Variants in KLHL42 observed in about 807,000 individuals in gnomAD.
KLHL42 encodes the protein kelch-like protein 42.
A neutral mutation model predicts 32.7 loss-of-function variants in KLHL42; 27 were observed. The observed-to-expected ratio is 0.83, with a 90% CI of 0.61 to 1.14. The LOEUF (loss-of-function observed/expected upper bound fraction) is 1.14. KLHL42 is among the 50% of genes most tolerant of loss of function. The pLI, the probability that KLHL42 is intolerant of heterozygous loss-of-function variation, is 0.00. For missense variants in KLHL42, 491 were observed against 560.8 expected (o/e 0.88, Z 1.26); for synonymous variants, 267 against 248.2 (o/e 1.08, Z -0.71).
In KLHL42 at chr12:27,800,148, G is replaced by A. The variant is rs2062237926; in HGVS notation, c.*1982G>A. ...AGATGAGTCAGTTGAATTAGTACTG[G>A]ACAAACAGTTGGAGATTAGTTTGCA... On this transcript the variant is annotated 3_prime_UTR_variant, in exon 3 of 3. Transcript: ENST00000381271. The A allele has an allele frequency of 2.0e-6, 2 of 985,124 alleles. No homozygotes were observed. The highest frequency in any genetic ancestry group is 1.2e-6 in the Non-Finnish European group (1 of 829,842). 61.0% of individuals were successfully genotyped at this position (985,124 alleles called of 1,614,324 possible).
chr12:27,797,303 A>G (rs751229864), intron 2 of KLHL42: 10 of 458,658 alleles, frequency 2.2e-5, no homozygotes, highest in South Asian at 1.5e-4. Context: ...TCAGCTATCA[A>G]GAATAATCTA....
rs2062227193 is a variant in KLHL42, at chr12:27,797,966, C to A, written c.1318C>A (p.Leu440Ile). Residue 440 changes from leucine (L) to isoleucine (I), a missense_variant, in exon 3 of 3, where the codon CTT (leucine) becomes ATT (isoleucine). Leu to Ile is a conservative substitution (Grantham distance 5). Around this residue, in one of 4 missense-constraint regions of KLHL42, gnomAD observed 152 missense variants for 125.9 expected, o/e 1.21. Coordinates refer to ENST00000381271, the MANE Select transcript of KLHL42 (RefSeq NM_020782.2). ...YLKENTSKSG[L>I]NLTCALHNDG... ...CAAGGAGAACACGTCCAAATCGGGT[C>A]TTAACTTGACTTGTGCGCTCCATAA... The A allele has an allele frequency of 1.3e-6, 1 of 781,038 alleles. No homozygotes were observed. The highest frequency in any genetic ancestry group is 2.4e-6 in the Non-Finnish European group (1 of 418,124). 48.4% of individuals were successfully genotyped at this position (781,038 alleles called of 1,614,324 possible).
In KLHL42 at chr12:27,801,957, C is replaced by A. The variant is rs528367802; in HGVS notation, c.*3791C>A. Reference sequence around the variant, plus strand: ...AGAGGTTCACTGTAATTGTCTTCACCAGGGCGTCCTTCTCAAAGATGCCCA... The same window carrying A: ...AGAGGTTCACTGTAATTGTCTTCACAAGGGCGTCCTTCTCAAAGATGCCCA... On this transcript the variant is annotated 3_prime_UTR_variant, in exon 3 of 3. Transcript: ENST00000381271. The A allele has an allele frequency of 6.6e-6, 1 of 151,886 alleles. No homozygotes were observed. The highest frequency in any genetic ancestry group is 2.1e-4 in the South Asian group (1 of 4,794). The allele number at this position is 151,886 out of a possible 1,614,324, so 9.4% of individuals were successfully genotyped here.
rs775482220 is a variant in KLHL42, at chr12:27,797,748, C to A, written c.1100C>A (p.Ser367Tyr). 6 of 718,024 alleles carry A rather than the reference C, an allele frequency of 8.4e-6. No homozygotes were observed. The East Asian group carries it at 1.5e-4, about 18-fold the overall frequency. The allele number at this position is 718,024 out of a possible 1,614,324, so 44.5% of individuals were successfully genotyped here. The change falls in exon 3 of 3, where the codon TCT (serine) becomes TAT (tyrosine). Residue 367 changes from serine (S) to tyrosine (Y), a missense_variant. Physicochemically the swap from Ser to Tyr is moderately radical, Grantham distance 144. Coordinates refer to ENST00000381271, the MANE Select transcript of KLHL42 (RefSeq NM_020782.2). ...ATGAACATTTTGCAGTACTGCCCCT[C>A]TTCCGACATGTGGACGCTCTTTGAA... ...RNMNILQYCPSSDMWTLFETC... is the reference protein window; with the variant it reads ...RNMNILQYCPYSDMWTLFETC...
At position 27,797,947 on chromosome 12, in the gene KLHL42, G is replaced by A; in HGVS notation, c.1299G>A (p.Glu433=). Residue 433 remains glutamate (E), a synonymous_variant, in exon 3 of 3, where the codon GAG becomes GAA. Transcript: ENST00000381271. ...CCCGCCAGTGGCTCTACCTCAAGGA[G>A]AACACGTCCAAATCGGGTCTTAACT... ...TVTRQWLYLK[E]NTSKSGLNLT... The A allele has an allele frequency of 1.3e-6, 1 of 781,004 alleles. No individual in the cohort carries two copies. The highest frequency in any genetic ancestry group is 2.4e-6 in the Non-Finnish European group (1 of 418,128). The allele number at this position is 781,004 out of a possible 1,614,324, so 48.4% of individuals were successfully genotyped here.
At position 27,780,947 on chromosome 12, in the gene KLHL42, C is replaced by T; in HGVS notation, c.617C>T (p.Pro206Leu). Residue 206 changes from proline to leucine, a missense_variant, in exon 1 of 3, where the codon CCC becomes CTC. This residue lies in a region of KLHL42 where 248 missense variants were observed against 329.2 expected (regional missense o/e 0.75). Transcript: ENST00000381271. The surrounding 1 kb of genome is among the most constrained non-coding windows in gnomAD (Gnocchi z 8.8). ...GCCCTCGGGGACTTCCTGGGGGGAC[C>T]CCTGGCCCCTCACCCCTACCAGGGG... ...LVALGDFLGG[P>L]LAPHPYQGEP... 3 of 1,602,086 alleles carry T rather than the reference C, an allele frequency of 1.9e-6. No individual in the cohort carries two copies. The highest frequency in any genetic ancestry group is 2.2e-5 in the East Asian group (1 of 44,580).
Position 27,800,482 on chromosome 12 carries a change from T to C in KLHL42, c.*2316T>C. 1 of 553,478 alleles carries C rather than the reference T, an allele frequency of 1.8e-6. No homozygotes were observed. The highest frequency in any genetic ancestry group is 2.3e-6 in the Non-Finnish European group (1 of 435,352). 34.3% of individuals were successfully genotyped at this position (553,478 alleles called of 1,614,324 possible). On this transcript the variant is annotated 3_prime_UTR_variant, in exon 3 of 3. Transcript: ENST00000381271. The stretch of plus-strand genomic sequence containing the variant: ...GTGGAATGTGCAATAGGAACAGATC[T>C]GTGCATTTTGTGACATCGTCCTTCC...
chr12:27,800,696 A>T lies in KLHL42; in HGVS notation c.*2530A>T. ...GCACTCCAGCCTGGGCGACAGTGCA[A>T]GACTCTGTCTCCAAAAAAAAAAAAA... On this transcript the variant is annotated 3_prime_UTR_variant, in exon 3 of 3. Coordinates refer to ENST00000381271, the MANE Select transcript of KLHL42 (RefSeq NM_020782.2). 1 of 152,846 alleles carries T rather than the reference A, an allele frequency of 6.5e-6. No individual in the cohort carries two copies. The highest frequency in any genetic ancestry group is 1.9e-4 in the East Asian group (1 of 5,248). The allele number at this position is 152,846 out of a possible 1,614,324, so 9.5% of individuals were successfully genotyped here. A position where few individuals can be genotyped will look rare whatever the true frequency, so the allele number is the denominator to read the frequency against.
chr12:27,782,271 G>T (rs1461470213), intron 1 of KLHL42, among the ~76,000 whole-genome samples: 1 of 152,036 alleles, frequency 6.6e-6, no homozygotes, highest in Non-Finnish European at 1.5e-5. Flanking sequence ...GATTATTTGG[G>T]GGAAATAACT....
chr12:27,782,567 T>C (rs1022247053), intron 1 of KLHL42, among the ~76,000 whole-genome samples: 2 of 152,120 alleles, frequency 1.3e-5, no homozygotes, highest in East Asian at 1.9e-4. Flanking sequence ...CAAAGGAACA[T>C]TGTGTGGCCA....
At position 27,781,165 on chromosome 12, in the gene KLHL42, AACG is replaced by A; in HGVS notation, c.837_839del (p.Asn279_Glu280delinsLys). On this transcript the variant is annotated inframe_deletion, in exon 1 of 3. Coordinates refer to ENST00000381271, the MANE Select transcript of KLHL42 (RefSeq NM_020782.2). ...TGCGCATTCCTACAACCCCAGCACC[AACG>A]AGTGGCTCCAGGTGGCCTCCATGAA... 6.2e-7 allele frequency: 1 copy of A among 1,614,012 alleles called. No homozygotes were observed. Among genetic ancestry groups the A allele is most frequent in the Non-Finnish European group, 8.5e-7 (1 of 1,180,032 alleles).
chr12:27,792,024 C>T (rs2062199586), intron 2 of KLHL42, 123 bp downstream of exon 2: 1 of 728,630 alleles, frequency 1.4e-6, no homozygotes, highest in South Asian at 1.8e-5. Context: ...TAATAGTGTA[C>T]ACTTACACAT....
rs773820049 is a variant in KLHL42 at position 27,781,044 on chromosome 12, C to A, written c.714C>A (p.Pro238=). The A allele has an allele frequency of 4.3e-6, 7 of 1,613,844 alleles. No individual in the cohort carries two copies. The highest frequency in any genetic ancestry group is 2.2e-5 in the South Asian group (2 of 91,032). The part of the protein sequence containing the change: ...RWFPLANNLP[P]DLVNVRGYGS... ...TCCCGCTGGCCAACAACCTTCCTCC[C>A]GACCTGGTCAATGTCAGGGGCTATG... The change falls in exon 1 of 3, where the codon CCC becomes CCA. Residue 238 remains proline, a synonymous_variant. Transcript: ENST00000381271.
rs2062243467 is a variant in KLHL42, at chr12:27,800,769, T to C, written c.*2603T>C. 6.6e-6 allele frequency: 1 copy of C among 152,218 alleles called. No individual in the cohort carries two copies. The highest frequency in any genetic ancestry group is 1.5e-5 in the Non-Finnish European group (1 of 68,078). The allele number at this position is 152,218 out of a possible 1,614,324, so 9.4% of individuals were successfully genotyped here. A position where few individuals can be genotyped will look rare whatever the true frequency, so the allele number is the denominator to read the frequency against. On this transcript the variant is annotated 3_prime_UTR_variant, in exon 3 of 3. Coordinates refer to ENST00000381271, the MANE Select transcript of KLHL42 (RefSeq NM_020782.2). ...TCCCCCAGGACTGTCCTTTACTCTT[T>C]GATAGTATCCCTCTATTTTCTTCCC...
Position 27,798,437 on chromosome 12 carries a change from C to A in KLHL42, c.*271C>A. Reference sequence around the variant, plus strand: ...TGATACTCTTGGGCCAATGACGGATCATCAAAATGTAGATTCATTGTGTCT... The same window carrying A: ...TGATACTCTTGGGCCAATGACGGATAATCAAAATGTAGATTCATTGTGTCT... On this transcript the variant is annotated 3_prime_UTR_variant, in exon 3 of 3. Coordinates refer to ENST00000381271, the MANE Select transcript of KLHL42 (RefSeq NM_020782.2). The A allele has an allele frequency of 5.2e-6, 2 of 384,046 alleles. No individual in the cohort carries two copies. The highest frequency in any genetic ancestry group is 5.2e-5 in the East Asian group (1 of 19,274). 23.8% of individuals were successfully genotyped at this position (384,046 alleles called of 1,614,324 possible).
intron 1 of KLHL42, among the ~76,000 whole-genome samples, chr12:27,782,948 G>A (rs1420603160): frequency 6.6e-6 from 1 of 151,998 alleles, no homozygotes; most frequent in African/African-American, 2.4e-5. Flanking sequence ...CATTTATACT[G>A]TAAATTATAT....
intron 1 of KLHL42, among the ~76,000 whole-genome samples, chr12:27,782,900 C>T (rs962418350): frequency 6.6e-6 from 1 of 152,038 alleles, no homozygotes; most frequent in African/African-American, 2.4e-5. Flanking sequence ...AGTGTATCAA[C>T]AGACTTTTGT....
At chr12:27,796,125 A>T (rs1055796251) in intron 2 of KLHL42, among the ~76,000 whole-genome samples, 3 of 152,228 alleles carry the variant, frequency 2.0e-5, no homozygotes, top group Non-Finnish European at 4.4e-5. Context: ...GGAAATCAGG[A>T]CAGTTTCCTA....
chr12:27,789,896 A>G (rs1267217412), intron 1 of KLHL42, among the ~76,000 whole-genome samples: 2 of 152,202 alleles, frequency 1.3e-5, no homozygotes, highest in African/African-American at 4.8e-5. Context: ...TCTGATTGGA[A>G]AAACAAACTA....
Sources: gnomAD v4.1 joint callset for allele counts (sites outside exome capture counted in the v4.1 genomes callset) on GRCh38, gnomAD v4.1.1 for gene constraint, gnomAD v4.1.1 regional missense constraint, Gnocchi (gnomAD v3.1) non-coding constraint, MANE v1.5 for transcripts, NCBI Gene and HGNC (gene_info 2026-07-23, HGNC 2026-07-21) for gene names.